CTDSPL2: variants seen among roughly 807,000 people sequenced by gnomAD.
CTDSPL2 encodes CTD small phosphatase like 2.
A neutral mutation model predicts 60.0 loss-of-function variants in CTDSPL2; 5 were observed. That is an observed-to-expected ratio of 0.08 (90% CI 0.04 to 0.18). The LOEUF (loss-of-function observed/expected upper bound fraction) is 0.18. CTDSPL2 is among the 10% of genes least tolerant of loss of function. The probability of loss-of-function intolerance (pLI) is 1.00; values close to 1 mark genes in which losing one functional copy is unlikely to be tolerated. For synonymous variants in CTDSPL2, 186 were observed against 189.3 expected (o/e 0.98, Z 0.14); for missense variants, 370 against 548.8 (o/e 0.67, Z 3.26).
chr15:44,429,291 T>G lies in CTDSPL2; in HGVS notation c.-25+1519T>G, dbSNP rs1198186861. Among the ~76,000 whole-genome samples the G allele has an allele frequency of 2.6e-5, 4 of 152,278 alleles. No homozygotes were observed. In the South Asian group the frequency reaches 6.2e-4, roughly 24 times the overall value. ...TACTTTCCTAAGGCGAATAGAATAG[T>G]GGAGGTACAGGCACGTTAACTACTT... is the stretch of plus-strand genomic sequence containing the variant. On this transcript the variant is annotated intron_variant, in intron 1 of 12. Transcript: ENST00000260327.
At chr15:44,507,037 G>T (rs2140848135) in intron 8 of CTDSPL2, among the ~76,000 whole-genome samples, 1 of 151,320 alleles carries the variant, frequency 6.6e-6, no homozygotes, top group Non-Finnish European at 1.5e-5. Context: ...AAAGTGCTGA[G>T]ATTACAGGCG....
At chr15:44,463,602 AT>A (rs2080621290) in intron 2 of CTDSPL2, among the ~76,000 whole-genome samples, 1 of 152,216 alleles carries the variant, frequency 6.6e-6, no homozygotes, top group Admixed American at 6.5e-5. Context: ...TGAAATCACA[AT>A]TGTATTTTCC....
chr15:44,431,291 C>A (rs2079852119), intron 1 of CTDSPL2, among the ~76,000 whole-genome samples: 1 of 152,144 alleles, frequency 6.6e-6, no homozygotes, highest in Non-Finnish European at 1.5e-5. Flanking sequence ...AGATATGGAA[C>A]CCATGTTAAA....
chr15:44,433,380 T>A (rs2079902845), intron 1 of CTDSPL2, among the ~76,000 whole-genome samples: 1 of 146,602 alleles, frequency 6.8e-6, no homozygotes, highest in Non-Finnish European at 1.5e-5. Context: ...AGTGTACTAG[T>A]AGAACATACT....
intron 8 of CTDSPL2, among the ~76,000 whole-genome samples, chr15:44,506,892 G>T (rs894976395): frequency 1.3e-5 from 2 of 151,322 alleles, no homozygotes; most frequent in Non-Finnish European, 2.9e-5. Context: ...TCAGCCTCCC[G>T]AGTAGCTGGG....
chr15:44,511,867 CAA>C (rs68063380), intron 8 of CTDSPL2, among the ~76,000 whole-genome samples: 1,670 of 30,434 alleles, frequency 0.055, 35 homozygotes, highest in African/African-American at 0.13. Flanking sequence ...GACGGTCTCG[CAA>C]AAAAAAAAAA....
chr15:44,475,780 A>G (rs1400757308), intron 2 of CTDSPL2, among the ~76,000 whole-genome samples: 1 of 152,218 alleles, frequency 6.6e-6, no homozygotes, highest in Admixed American at 6.5e-5. Context: ...AAATGACAGT[A>G]TACTAAATTG....
chr15:44,492,773 A>G (rs973244316), intron 5 of CTDSPL2, among the ~76,000 whole-genome samples: 3 of 152,206 alleles, frequency 2.0e-5, no homozygotes, highest in African/African-American at 4.8e-5. Context: ...AGTCAAATCA[A>G]TACAATTACG....
chr15:44,479,093 A>C (rs950345900), intron 2 of CTDSPL2, among the ~76,000 whole-genome samples: 8 of 151,936 alleles, frequency 5.3e-5, no homozygotes, highest in Middle Eastern at 3.4e-3. Flanking sequence ...AAAAAAAACA[A>C]GTTTTCTCCC....
chr15:44,497,216 C>T (rs1448419913), intron 7 of CTDSPL2, 78 bp downstream of exon 7: 1 of 836,124 alleles, frequency 1.2e-6, no homozygotes, highest in African/African-American at 1.7e-5. Flanking sequence ...GTTAGCTTTC[C>T]CTTTTTTTTG....
chr15:44,434,044 A>G (rs971233383), intron 1 of CTDSPL2, among the ~76,000 whole-genome samples: 3 of 151,774 alleles, frequency 2.0e-5, no homozygotes, highest in Admixed American at 1.3e-4. Flanking sequence ...GAGAAAACAG[A>G]TTGATAATGG....
Position 44,496,419 on chromosome 15 carries a change from C to T in CTDSPL2, c.731C>T (p.Ala244Val), listed in dbSNP as rs871923. The change falls in exon 6 of 13, where the codon GCG becomes GTG. Residue 244 changes from alanine to valine, a missense_variant. By Grantham distance (64) the Ala-to-Val change is moderately conservative. This residue lies in a region of CTDSPL2 where 287 missense variants were observed against 296.1 expected (regional missense o/e 0.97). Transcript: ENST00000260327. ...GATAGTGGTTATTCATCAGCCCACGCGGAGGCCACCTATGAAGAAGACTGG... is the reference window on the plus strand; with the variant it reads ...GATAGTGGTTATTCATCAGCCCACGTGGAGGCCACCTATGAAGAAGACTGG... ...TPDSGYSSAH[A>V]EATYEEDWEV... 1.9e-3 allele frequency: 3,145 copies of T among 1,613,778 alleles called. 58 individuals are homozygous for T. In the African/African-American group the frequency reaches 0.038, roughly 19 times the overall value.
intron 7 of CTDSPL2, among the ~76,000 whole-genome samples, chr15:44,499,130 C>A (rs1286172214): frequency 6.6e-6 from 1 of 150,998 alleles, no homozygotes. Context: ...GACATTGTTG[C>A]CAGGCACGGT....
chr15:44,503,059 G>T (rs1203729848), intron 8 of CTDSPL2, among the ~76,000 whole-genome samples: 1 of 152,020 alleles, frequency 6.6e-6, no homozygotes, highest in African/African-American at 2.4e-5. Context: ...ATTAAAATTT[G>T]ATGTATGTTA....
intron 2 of CTDSPL2, among the ~76,000 whole-genome samples, chr15:44,478,821 A>G (rs1415828356): frequency 1.3e-5 from 2 of 151,960 alleles, no homozygotes; most frequent in African/African-American, 4.8e-5. Flanking sequence ...GTCTCTACTA[A>G]TAATACAAAA....
intron 7 of CTDSPL2, among the ~76,000 whole-genome samples, chr15:44,498,955 A>G (rs1385706122): frequency 1.3e-5 from 2 of 152,326 alleles, no homozygotes; most frequent in South Asian, 2.1e-4. Flanking sequence ...AAGGAGTTAA[A>G]TGAACAGAGT....
chr15:44,492,660 G>A (rs866792690), intron 5 of CTDSPL2, among the ~76,000 whole-genome samples: 2 of 152,134 alleles, frequency 1.3e-5, no homozygotes, highest in African/African-American at 4.8e-5. Flanking sequence ...TAATACCAAC[G>A]TGAAGAGACA....
intron 1 of CTDSPL2, among the ~76,000 whole-genome samples, chr15:44,439,036 CTA>C (rs1258637867): frequency 1.3e-5 from 2 of 151,856 alleles, no homozygotes; most frequent in African/African-American, 2.4e-5. Context: ...GCCCTTATTG[CTA>C]TGTTTGTTTT....
intron 1 of CTDSPL2, among the ~76,000 whole-genome samples, chr15:44,441,274 G>C (rs1280585681): frequency 1.3e-5 from 2 of 152,010 alleles, no homozygotes; most frequent in Admixed American, 6.6e-5. Context: ...GGGTAACTGG[G>C]CTTGCTGTTC....
Sources: gnomAD v4.1 joint callset for allele counts (sites outside exome capture counted in the v4.1 genomes callset) on GRCh38, gnomAD v4.1.1 for gene constraint, gnomAD v4.1.1 regional missense constraint, MANE v1.5 for transcripts, NCBI Gene and HGNC (gene_info 2026-07-23, HGNC 2026-07-21) for gene names.